GPR137C: variants seen among roughly 807,000 people sequenced by gnomAD.
The protein encoded by GPR137C is G protein-coupled receptor 137C.
A neutral mutation model predicts 43.4 loss-of-function variants in GPR137C; 27 were observed. The ratio of observed to expected loss-of-function variants is 0.62; its 90% confidence interval spans 0.46 to 0.86. The LOEUF is 0.86. Ranked by LOEUF, GPR137C falls within the 40% of genes least tolerant of loss-of-function variation. The probability of loss-of-function intolerance (pLI) is 0.00; values close to 1 mark genes in which losing one functional copy is unlikely to be tolerated. For synonymous variants in GPR137C, 285 were observed against 226.9 expected (o/e 1.26, Z -2.30); for missense variants, 522 against 534.6 (o/e 0.98, Z 0.23).
At chr14:52,603,302 A>G (rs2038947572) in intron 3 of GPR137C, among the ~76,000 whole-genome samples, 1 of 152,208 alleles carries the variant, frequency 6.6e-6, no homozygotes, top group Non-Finnish European at 1.5e-5. Flanking sequence ...CCCATGTAAT[A>G]GTCCATTGTA....
At chr14:52,557,129 T>C (rs1458114) in intron 1 of GPR137C, among the ~76,000 whole-genome samples, 46,792 of 152,024 alleles carry the variant, frequency 0.31, 7,839 homozygotes, top group East Asian at 0.69. Context: ...TGAAATCACA[T>C]TTCTACCACC....
rs373734865 is a variant in GPR137C, at chr14:52,635,152, A to G, written c.*37A>G. 10 of 1,451,894 alleles carry G rather than the reference A, an allele frequency of 6.9e-6. No individual in the cohort carries two copies. Among genetic ancestry groups the G allele is most frequent in the Non-Finnish European group, 8.3e-6 (9 of 1,078,718 alleles). 89.9% of individuals were successfully genotyped at this position (1,451,894 alleles called of 1,614,324 possible). A position where few individuals can be genotyped will look rare whatever the true frequency, so the allele number is the denominator to read the frequency against. ...AGTCATGATTCTTGAGTTGTTTTTC[A>G]TAAATGTGTATATTCAATGTGTTTA... On this transcript the variant is annotated 3_prime_UTR_variant, in exon 7 of 7. Transcript: ENST00000321662.
intron 1 of GPR137C, among the ~76,000 whole-genome samples, chr14:52,585,406 G>C (rs1349957733): frequency 6.6e-6 from 1 of 152,074 alleles, no homozygotes; most frequent in African/African-American, 2.4e-5. Flanking sequence ...GTCTCTCACT[G>C]TCTCTCCACT....
Position 52,600,353 on chromosome 14 carries a change from T to C in GPR137C, c.717+12T>C, listed in dbSNP as rs2038909590. ...ACCTCGAATCAAAGGTAAGAATATT[T>C]CTTAAATTGGCACTTGAAAATCTAA... On this transcript the variant is annotated intron_variant, in intron 3 of 6. Coordinates refer to ENST00000321662, the MANE Select transcript of GPR137C (RefSeq NM_001099652.2). 1 of 1,442,170 alleles carries C rather than the reference T, an allele frequency of 6.9e-7. No homozygotes were observed. Among genetic ancestry groups the C allele is most frequent in the Admixed American group, 1.9e-5 (1 of 52,808 alleles). 89.3% of individuals were successfully genotyped at this position (1,442,170 alleles called of 1,614,324 possible).
intron 3 of GPR137C, among the ~76,000 whole-genome samples, chr14:52,626,065 A>G (rs1019504558): frequency 7.2e-5 from 11 of 152,228 alleles, no homozygotes; most frequent in African/African-American, 2.7e-4. Context: ...AACTATTTAC[A>G]TATCATTTTT....
At chr14:52,613,730 A>AT in intron 3 of GPR137C, 1 of 258,314 alleles carries the variant, frequency 3.9e-6, no homozygotes, top group South Asian at 4.3e-5. Context: ...TAAGTACCAC[A>AT]TTTCTTTACC....
chr14:52,553,714 G>T, intron 1 of GPR137C, 123 bp downstream of exon 1: 1 of 783,162 alleles, frequency 1.3e-6, no homozygotes, highest in Non-Finnish European at 2.0e-6. Flanking sequence ...AACCAGCCTG[G>T]GGAAACTGAG....
rs34249999 is a variant in GPR137C at position 52,577,183 on chromosome 14, C to CAAAAAAAAAA, written c.445-21068_445-21059dup. ...GCCTGGGCGACAGAGTAAGACTCCT[C>CAAAAAAAAAA]AAAAAAAAAAAAAAAAAAAAAAAAA... On this transcript the variant is annotated intron_variant, in intron 1 of 6. Coordinates refer to ENST00000321662, the MANE Select transcript of GPR137C (RefSeq NM_001099652.2). Among the ~76,000 whole-genome samples the CAAAAAAAAAA allele has an allele frequency of 7.8e-4, 32 of 41,172 alleles. 1 individual carries two copies. Among genetic ancestry groups the CAAAAAAAAAA allele is most frequent in the African/African-American group, 3.2e-3 (31 of 9,672 alleles). 27.0% of individuals were successfully genotyped at this position (41,172 alleles called of 152,430 possible). A position where few individuals can be genotyped will look rare whatever the true frequency, so the allele number is the denominator to read the frequency against.
chr14:52,569,314 T>C (rs1261917728), intron 1 of GPR137C, among the ~76,000 whole-genome samples: 1 of 150,528 alleles, frequency 6.6e-6, no homozygotes, highest in Non-Finnish European at 1.5e-5. Flanking sequence ...CAAAGGTAGG[T>C]AAATCCATGA....
intron 3 of GPR137C, among the ~76,000 whole-genome samples, chr14:52,605,469 A>T (rs1457459252): frequency 6.6e-6 from 1 of 152,208 alleles, no homozygotes; most frequent in Non-Finnish European, 1.5e-5. Flanking sequence ...GTTTTTCAAA[A>T]TATGAGATCA....
chr14:52,621,879 AAG>A (rs1444625123), intron 3 of GPR137C, among the ~76,000 whole-genome samples: 7 of 151,684 alleles, frequency 4.6e-5, no homozygotes, highest in East Asian at 3.9e-4. Context: ...ATAAAAAATT[AAG>A]AGATTATAAA....
In GPR137C at chr14:52,629,805, T is replaced by G. The variant is rs558160435; in HGVS notation, c.718-2355T>G. Among the ~76,000 whole-genome samples, 12 of 152,336 alleles carry G rather than the reference T, an allele frequency of 7.9e-5. 1 individual carries two copies. The South Asian group carries it at 2.5e-3, about 32-fold the overall frequency. ...ACTCAATGACTAGTAGGTTAAGGTG[T>G]CTGCATATCTGCGTTCTAAAAGTAT... On this transcript the variant is annotated intron_variant, in intron 3 of 6. Coordinates refer to ENST00000321662, the MANE Select transcript of GPR137C (RefSeq NM_001099652.2).
intron 3 of GPR137C, among the ~76,000 whole-genome samples, chr14:52,627,411 A>T (rs1460171502): frequency 6.6e-6 from 1 of 152,218 alleles, no homozygotes; most frequent in Admixed American, 6.5e-5. Flanking sequence ...GTAAAAATTT[A>T]AAAATTGAAA....
chr14:52,568,085 C>T (rs2038400716), intron 1 of GPR137C, among the ~76,000 whole-genome samples: 1 of 152,128 alleles, frequency 6.6e-6, no homozygotes, highest in South Asian at 2.1e-4. Flanking sequence ...GTGATTTCTG[C>T]ATTTCCAACT....
chr14:52,635,222 C>T lies in GPR137C; in HGVS notation c.*107C>T. 1.1e-6 allele frequency: 1 copy of T among 895,952 alleles called. No individual in the cohort carries two copies. The highest frequency in any genetic ancestry group is 1.6e-6 in the Non-Finnish European group (1 of 621,310). The allele number at this position is 895,952 out of a possible 1,614,324, so 55.5% of individuals were successfully genotyped here. A position where few individuals can be genotyped will look rare whatever the true frequency, so the allele number is the denominator to read the frequency against. ...TTCCATTATCTGTTGCAACTGAAAA[C>T]AAAATCTGGAAGTGTGGCTGTGTTT... is the stretch of plus-strand genomic sequence containing the variant. On this transcript the variant is annotated 3_prime_UTR_variant, in exon 7 of 7. Coordinates refer to ENST00000321662, the MANE Select transcript of GPR137C (RefSeq NM_001099652.2).
At chr14:52,568,620 C>A (rs1331786444) in intron 1 of GPR137C, among the ~76,000 whole-genome samples, 2 of 152,170 alleles carry the variant, frequency 1.3e-5, no homozygotes, top group African/African-American at 4.8e-5. Flanking sequence ...GAGGGGGCAT[C>A]CGCAATTACT....
intron 1 of GPR137C, among the ~76,000 whole-genome samples, chr14:52,564,882 T>G (rs1489144613): frequency 2.0e-5 from 3 of 152,020 alleles, no homozygotes; most frequent in African/African-American, 4.8e-5. Flanking sequence ...CAGCAGAATT[T>G]GGTCTACCCT....
chr14:52,569,941 G>T lies in GPR137C; in HGVS notation c.444+16350G>T, dbSNP rs561077591. The stretch of plus-strand genomic sequence containing the variant: ...ACACTCTTCAGGATATTATCCACGA[G>T]AACGTCCCTAACCTAGCAAGACAGC... On this transcript the variant is annotated intron_variant, in intron 1 of 6. Transcript: ENST00000321662. Among the ~76,000 whole-genome samples the T allele has an allele frequency of 5.3e-5, 8 of 152,190 alleles. No individual in the cohort carries two copies. The East Asian group carries it at 1.5e-3, about 29-fold the overall frequency.
intron 1 of GPR137C, among the ~76,000 whole-genome samples, chr14:52,581,214 G>T (rs1456260049): frequency 2.3e-5 from 3 of 129,198 alleles, no homozygotes; most frequent in East Asian, 2.2e-4. Flanking sequence ...AAAAAAAAAA[G>T]TTGTTAACCA....
Sources: allele counts gnomAD v4.1 joint callset (sites outside exome capture counted in the v4.1 genomes callset), GRCh38; gene constraint gnomAD v4.1.1; transcripts MANE v1.5; gene names NCBI Gene and HGNC (gene_info 2026-07-23, HGNC 2026-07-21).